RBFOX3: variants seen among roughly 807,000 people sequenced by gnomAD.
The protein encoded by RBFOX3 is RNA binding protein fox-1 homolog 3.
A neutral mutation model predicts 48.7 loss-of-function variants in RBFOX3; 17 were observed. The ratio of observed to expected loss-of-function variants is 0.35; its 90% confidence interval spans 0.24 to 0.52. The LOEUF is 0.52. Among genes scored for constraint, RBFOX3 ranks in the 20% least tolerant of loss-of-function variants. RBFOX3 has a pLI of 0.94. For synonymous variants in RBFOX3, 212 were observed against 209.5 expected, an observed-to-expected ratio of 1.01 and a Z score of -0.10; for missense variants, 382 against 497.5, an observed-to-expected ratio of 0.77 and a Z score of 2.21.
Position 79,174,669 on chromosome 17 carries a change from TCA to T in RBFOX3, c.-33-58923_-33-58922del, listed in dbSNP as rs368061179. Among the ~76,000 whole-genome samples the T allele has an allele frequency of 8.2e-3, 1,189 of 144,448 alleles. 18 individuals carry two copies. The highest frequency in any genetic ancestry group is 0.029 in the African/African-American group (1,129 of 38,654). The allele number at this position is 144,448 out of a possible 152,430, so 94.8% of individuals were successfully genotyped here. A position where few individuals can be genotyped will look rare whatever the true frequency, so the allele number is the denominator to read the frequency against. ...ACACACACCCAATGCACACAACCAC[TCA>T]CACACAATGCACACTCACATGCACT... On this transcript the variant is annotated intron_variant, in intron 4 of 14. Transcript: ENST00000693108.
At chr17:79,109,174 A>G (rs1039653443) in intron 5 of RBFOX3, among the ~76,000 whole-genome samples, 1 of 151,970 alleles carries the variant, frequency 6.6e-6, no homozygotes, top group Non-Finnish European at 1.5e-5. Flanking sequence ...GAAAATGGTC[A>G]TGGCTCTCGG....
At chr17:79,325,029 C>A (rs1225483661) in intron 2 of RBFOX3, among the ~76,000 whole-genome samples, 2 of 152,248 alleles carry the variant, frequency 1.3e-5, no homozygotes, top group African/African-American at 4.8e-5. Flanking sequence ...GTTGGGCATA[C>A]CCAGCCTTGA....
At chr17:79,620,345 A>ACG in the RBFOX3 span, among the ~76,000 whole-genome samples, 4 of 148,452 alleles carry the variant, frequency 2.7e-5, no homozygotes, top group African/African-American at 9.9e-5. Flanking sequence ...ACAGACATGC[A>ACG]CACACACGGA....
intron 3 of RBFOX3, among the ~76,000 whole-genome samples, chr17:79,294,702 A>G (rs563078905): frequency 6.6e-6 from 1 of 152,246 alleles, no homozygotes; most frequent in South Asian, 2.1e-4. Flanking sequence ...GCTGCCAGCC[A>G]CGCGGCCGAA....
intron 2 of RBFOX3, among the ~76,000 whole-genome samples, chr17:79,435,911 CA>C (rs1555730862): frequency 6.6e-6 from 1 of 152,236 alleles, no homozygotes; most frequent in East Asian, 1.9e-4. Context: ...TGTTCTAAGT[CA>C]AACATAATTG....
At chr17:79,557,225 CAAAAAAAAAAA>C (rs1167997833) in intron 1 of RBFOX3, among the ~76,000 whole-genome samples, 4 of 86,568 alleles carry the variant, frequency 4.6e-5, no homozygotes, top group African/African-American at 2.0e-4. Flanking sequence ...GACACTGTCT[CAAAAAAAAAAA>C]AAAAAAAAAA....
chr17:79,148,708 A>G (rs2043606739), intron 4 of RBFOX3, among the ~76,000 whole-genome samples: 1 of 152,218 alleles, frequency 6.6e-6, no homozygotes, highest in Admixed American at 6.5e-5. Context: ...AAGTGATGAG[A>G]GTTGGGCGAC....
At chr17:79,207,751 G>A (rs2057713678) in intron 4 of RBFOX3, among the ~76,000 whole-genome samples, 1 of 152,160 alleles carries the variant, frequency 6.6e-6, no homozygotes, top group Non-Finnish European at 1.5e-5. Context: ...TTTCCCGTCG[G>A]CCACTTGGAG....
At chr17:79,176,631 T>C (rs756719169) in intron 4 of RBFOX3, among the ~76,000 whole-genome samples, 2 of 152,202 alleles carry the variant, frequency 1.3e-5, no homozygotes, top group Admixed American at 6.5e-5. Context: ...AAGCCAAGTC[T>C]GCCTGGTGGA....
rs140646133 is a variant in RBFOX3 at position 79,249,945 on chromosome 17, G to A, written c.-73-14140C>T. On this transcript the variant is annotated intron_variant, in intron 3 of 14. Transcript: ENST00000693108. The surrounding 1 kb of genome is among the most constrained non-coding windows in gnomAD (Gnocchi z 4.1). ...CCTCACCATCCTAGCTGCACCTGCC[G>A]GCATCCCTGGCATCGCTTTGGCTCT... 5.3e-5 allele frequency among the ~76,000 whole-genome samples: 8 copies of A among 152,228 alleles called. No individual in the cohort carries two copies. The highest frequency in any genetic ancestry group is 3.9e-4 in the East Asian group (2 of 5,174).
At chr17:79,144,437 G>A (rs1599654134) in intron 4 of RBFOX3, among the ~76,000 whole-genome samples, 1 of 152,202 alleles carries the variant, frequency 6.6e-6, no homozygotes, top group East Asian at 1.9e-4. Flanking sequence ...CCTCCTAGCT[G>A]CCTCCTGCAG....
At chr17:79,415,798 G>C (rs1450708271) in intron 2 of RBFOX3, among the ~76,000 whole-genome samples, 1 of 151,970 alleles carries the variant, frequency 6.6e-6, no homozygotes, top group East Asian at 1.9e-4. Context: ...GTCATAAGGA[G>C]GGGTCTCTGC....
chr17:79,277,536 A>C (rs2069193964), intron 3 of RBFOX3, among the ~76,000 whole-genome samples: 1 of 152,232 alleles, frequency 6.6e-6, no homozygotes, highest in South Asian at 2.1e-4. Context: ...CCCGCAGCCC[A>C]ATCTCTGCTG....
chr17:79,530,790 G>A (rs1200707952), intron 1 of RBFOX3, among the ~76,000 whole-genome samples: 10 of 152,148 alleles, frequency 6.6e-5, no homozygotes, highest in Non-Finnish European at 4.4e-5. Context: ...GGACCACAGA[G>A]GACGGAGCCT....
upstream of RBFOX3, among the ~76,000 whole-genome samples, chr17:79,615,657 C>T (rs1377016360): frequency 3.9e-5 from 6 of 152,186 alleles, no homozygotes; most frequent in Non-Finnish European, 8.8e-5. Flanking sequence ...TTTTCCTTTC[C>T]ACGCACTGCC....
chr17:79,128,017 A>G (rs1241262389), intron 4 of RBFOX3, among the ~76,000 whole-genome samples: 1 of 152,188 alleles, frequency 6.6e-6, no homozygotes, highest in East Asian at 1.9e-4. Flanking sequence ...TCTGCCCCCA[A>G]AATACACACC....
intron 1 of RBFOX3, among the ~76,000 whole-genome samples, chr17:79,562,059 AG>A (rs2092257119): frequency 6.6e-6 from 1 of 152,238 alleles, no homozygotes; most frequent in East Asian, 1.9e-4. Flanking sequence ...GGCCACCAAA[AG>A]GGGCAGACCA....
At chr17:79,463,129 CGCCACT>C (rs2075649565) in intron 2 of RBFOX3, among the ~76,000 whole-genome samples, 1 of 149,464 alleles carries the variant, frequency 6.7e-6, no homozygotes, top group Non-Finnish European at 1.5e-5. Context: ...CCATCGCCAC[CGCCACT>C]GCCACCGCCA....
At chr17:79,553,746 A>C (rs1294736417) in intron 1 of RBFOX3, among the ~76,000 whole-genome samples, 1 of 151,870 alleles carries the variant, frequency 6.6e-6, no homozygotes, top group Non-Finnish European at 1.5e-5. Flanking sequence ...TTTTTGAGAC[A>C]GAGTCTCTCT....
Sources: gnomAD v4.1 joint callset for allele counts (sites outside exome capture counted in the v4.1 genomes callset) on GRCh38, gnomAD v4.1.1 for gene constraint, Gnocchi (gnomAD v3.1) non-coding constraint, MANE v1.5 for transcripts, NCBI Gene and HGNC (gene_info 2026-07-23, HGNC 2026-07-21) for gene names.